RRAGC: variants seen among roughly 807,000 people sequenced by gnomAD.
The protein encoded by RRAGC is Ras related GTP binding C, also known as ras-related GTP-binding protein C.
In RRAGC, 8 loss-of-function variants were observed where a neutral mutation model predicts 37.1. That is an observed-to-expected ratio of 0.22 (90% CI 0.13 to 0.39). RRAGC has a LOEUF of 0.39. Ranked by LOEUF, RRAGC falls within the 10% of genes least tolerant of loss-of-function variation. The pLI, the probability that RRAGC is intolerant of heterozygous loss-of-function variation, is 1.00. For synonymous variants in RRAGC, 190 were observed against 181.1 expected (o/e 1.05, Z -0.39); for missense variants, 342 against 497.6 (o/e 0.69, Z 2.98).
chr1:38,838,767 T>A lies in RRAGC; in HGVS notation c.*786A>T, dbSNP rs532204099. ...TAAGCTAAACATTTCAGTGACACAA[T>A]GAGTTTCTCCCCTAGAAGGGGACTG... On this transcript the variant is annotated 3_prime_UTR_variant, in exon 7 of 7. Coordinates refer to ENST00000373001, the MANE Select transcript of RRAGC (RefSeq NM_022157.4). 5.3e-5 allele frequency: 8 copies of A among 152,324 alleles called. No homozygotes were observed. The highest frequency in any genetic ancestry group is 1.9e-4 in the African/African-American group (8 of 41,582). The allele number at this position is 152,324 out of a possible 1,614,324, so 9.4% of individuals were successfully genotyped here. A position where few individuals can be genotyped will look rare whatever the true frequency, so the allele number is the denominator to read the frequency against.
chr1:38,847,918 C>T (rs1340942321), intron 5 of RRAGC: 1 of 151,968 alleles, frequency 6.6e-6, no homozygotes. Context: ...TGGCACACGC[C>T]TGTGCTCCTG....
At chr1:38,850,838 T>C (rs1158170293) in intron 5 of RRAGC, among the ~76,000 whole-genome samples, 1 of 140,990 alleles carries the variant, frequency 7.1e-6, no homozygotes, top group African/African-American at 2.9e-5. Context: ...TAACTCTTTT[T>C]TTGTTGTTTT....
At position 38,838,865 on chromosome 1, in the gene RRAGC, A is replaced by G. The variant is rs1454702336; in HGVS notation, c.*688T>C. The G allele has an allele frequency of 1.3e-5, 2 of 151,284 alleles. No homozygotes were observed. The highest frequency in any genetic ancestry group is 4.8e-5 in the African/African-American group (2 of 41,324). 9.4% of individuals were successfully genotyped at this position (151,284 alleles called of 1,614,324 possible). A position where few individuals can be genotyped will look rare whatever the true frequency, so the allele number is the denominator to read the frequency against. On this transcript the variant is annotated 3_prime_UTR_variant, in exon 7 of 7. Transcript: ENST00000373001. The stretch of plus-strand genomic sequence containing the variant: ...CTAATGCAGAAGAAAGAACCCAGAC[A>G]TCTGGTACTCAGAACATAGGTGCAA...
intron 6 of RRAGC, among the ~76,000 whole-genome samples, chr1:38,842,283 T>C (rs1003755311): frequency 5.3e-5 from 8 of 151,402 alleles, no homozygotes; most frequent in Admixed American, 3.3e-4. Flanking sequence ...AAAAAATAAA[T>C]AAACAAATAA....
At chr1:38,846,267 A>G in intron 5 of RRAGC, 180 bp from the exon 6 acceptor site, 1 of 548,596 alleles carries the variant, frequency 1.8e-6, no homozygotes, top group Non-Finnish European at 3.2e-6. Context: ...TTTCAGGGAT[A>G]CCTATTAAAA....
At chr1:38,845,490 G>A (rs1178760556) in intron 6 of RRAGC, among the ~76,000 whole-genome samples, 2 of 152,170 alleles carry the variant, frequency 1.3e-5, no homozygotes, top group Non-Finnish European at 2.9e-5. Flanking sequence ...TGGGTGGCTG[G>A]GGGAGGGATA....
rs1184902449 is a variant in RRAGC at position 38,857,037 on chromosome 1, T to C, written c.283A>G (p.Ser95Gly). ...TCATCCTTATAAATCTTGTTGGTAC[T>C]TTCCAAAAAGAGGGTCTCGTTGGGT... Reference protein sequence around the residue: ...MSPNETLFLESTNKIYKDDIS... With the variant: ...MSPNETLFLEGTNKIYKDDIS... The change falls in exon 2 of 7, where the codon AGT becomes GGT. Residue 95 changes from serine to glycine, a missense_variant. By Grantham distance (56) the Ser-to-Gly change is moderately conservative (BLOSUM62 0). Coordinates refer to ENST00000373001, the MANE Select transcript of RRAGC (RefSeq NM_022157.4). The C allele has an allele frequency of 9.9e-6, 16 of 1,613,890 alleles. No homozygotes were observed. The highest frequency in any genetic ancestry group is 1.3e-5 in the Non-Finnish European group (15 of 1,179,920).
chr1:38,859,454 G>A lies in RRAGC; in HGVS notation c.193C>T (p.Leu65=), dbSNP rs920292776. The A allele has an allele frequency of 8.4e-6, 13 of 1,548,394 alleles. No individual in the cohort carries two copies. The highest frequency in any genetic ancestry group is 1.1e-5 in the Non-Finnish European group (13 of 1,146,662). The change falls in exon 1 of 7, where the codon CTG becomes TTG. Residue 65 remains leucine, a synonymous_variant. Transcript: ENST00000373001. ...CCGCTGCGCCGGAGTCCCATGAGCAGAATCCTCGGCTTGGAGCTGTCAGCG... is the reference window on the plus strand; with the variant it reads ...CCGCTGCGCCGGAGTCCCATGAGCAAAATCCTCGGCTTGGAGCTGTCAGCG... ...GGADSSKPRI[L]LMGLRRSGKS...
At position 38,851,748 on chromosome 1, in the gene RRAGC, T is replaced by A. The variant is rs1396660794; in HGVS notation, c.766A>T (p.Ile256Phe). 5 of 1,610,200 alleles carry A rather than the reference T, an allele frequency of 3.1e-6. No individual in the cohort carries two copies. In the Admixed American group the frequency reaches 8.5e-5, roughly 27 times the overall value. The change falls in exon 5 of 7, where the codon ATT (isoleucine) becomes TTT (phenylalanine). Residue 256 changes from isoleucine (I) to phenylalanine (F), a missense_variant. Coordinates refer to ENST00000373001, the MANE Select transcript of RRAGC (RefSeq NM_022157.4). ...LLNIFISNSG[I>F]EKAFLFDVVS... ...ACATCAAAGAGAAAAGCTTTTTCAATACCTGAATTCTTGGAAAAACAAATG... is the reference window on the plus strand; with the variant it reads ...ACATCAAAGAGAAAAGCTTTTTCAAAACCTGAATTCTTGGAAAAACAAATG...
chr1:38,858,683 G>A (rs1004625156), intron 1 of RRAGC, among the ~76,000 whole-genome samples: 3 of 152,244 alleles, frequency 2.0e-5, no homozygotes, highest in Admixed American at 6.5e-5. Flanking sequence ...CTGGGCGACA[G>A]AGCGAGAGAC....
chr1:38,851,570 T>G (rs760849741), intron 5 of RRAGC, 45 bp downstream of exon 5: 18 of 1,458,508 alleles, frequency 1.2e-5, no homozygotes, highest in Non-Finnish European at 1.6e-5. Flanking sequence ...AAGTTAATAG[T>G]TTTCCGCCTG....
In RRAGC at chr1:38,839,578, T is replaced by C. The variant is rs773571179; in HGVS notation, c.1175A>G (p.Asn392Ser). 8.7e-6 allele frequency: 14 copies of C among 1,614,080 alleles called. No individual in the cohort carries two copies. The highest frequency in any genetic ancestry group is 1.1e-5 in the Non-Finnish European group (13 of 1,180,018). Residue 392 changes from asparagine to serine, a missense_variant, in exon 7 of 7, where the codon AAT (asparagine) becomes AGT (serine). By Grantham distance (46) the Asn-to-Ser change is conservative (BLOSUM62 1). This residue lies in a region of RRAGC where 104 missense variants were observed against 127.0 expected (regional missense o/e 0.82). Coordinates refer to ENST00000373001, the MANE Select transcript of RRAGC (RefSeq NM_022157.4). ...SASSLKALTH[N>S]GTPRNAI ...CTAGATGGCGTTTCGTGGCGTGCCATTGTGTGTCAGCGCTTTCAGACTGGA... is the reference window on the plus strand; with the variant it reads ...CTAGATGGCGTTTCGTGGCGTGCCACTGTGTGTCAGCGCTTTCAGACTGGA...
chr1:38,854,217 A>G (rs1446857861), intron 3 of RRAGC, among the ~76,000 whole-genome samples: 1 of 151,926 alleles, frequency 6.6e-6, no homozygotes, highest in Non-Finnish European at 1.5e-5. Context: ...ACAGGCACAC[A>G]CCACAATGCC....
chr1:38,852,704 G>C (rs972043951), intron 3 of RRAGC: 5 of 326,192 alleles, frequency 1.5e-5, no homozygotes, highest in Non-Finnish European at 2.2e-5. Flanking sequence ...GGCAACTGAA[G>C]TAGTACTGAG....
rs186083416 is a variant in RRAGC, at chr1:38,858,878, G to A, written c.237+532C>T. Among the ~76,000 whole-genome samples the A allele has an allele frequency of 1.1e-4, 16 of 152,346 alleles. No individual in the cohort carries two copies. In the East Asian group the frequency reaches 3.1e-3, roughly 29 times the overall value. ...CACCAGGCCACAACTACTGAAATGG[G>A]TGCAATCTCACTACCCAATTCCCAG... On this transcript the variant is annotated intron_variant, in intron 1 of 6. Coordinates refer to ENST00000373001, the MANE Select transcript of RRAGC (RefSeq NM_022157.4).
intron 3 of RRAGC, among the ~76,000 whole-genome samples, chr1:38,852,932 A>T (rs887098145): frequency 6.6e-6 from 1 of 152,078 alleles, no homozygotes; most frequent in African/African-American, 2.4e-5. Context: ...CTAAAATAGC[A>T]CTCGTGTACC....
intron 5 of RRAGC, 162 bp from the exon 6 acceptor site, chr1:38,846,249 A>G (rs1328104904): frequency 6.8e-6 from 4 of 585,572 alleles, no homozygotes; most frequent in Non-Finnish European, 1.2e-5. Flanking sequence ...GTGTTCCTAA[A>G]CACAGAATTT....
chr1:38,858,379 G>GTCAACCTTGCC (rs1330314974), intron 1 of RRAGC, among the ~76,000 whole-genome samples: 1 of 152,162 alleles, frequency 6.6e-6, no homozygotes, highest in East Asian at 1.9e-4. Flanking sequence ...GATGGAGGAA[G>GTCAACCTTGCC]TCAACCTTGC....
Position 38,855,717 on chromosome 1 carries a change from A to G in RRAGC, c.632T>C (p.Leu211Pro), listed in dbSNP as rs1262432431. 1.9e-6 allele frequency: 3 copies of G among 1,613,576 alleles called. No individual in the cohort carries two copies. The highest frequency in any genetic ancestry group is 2.5e-6 in the Non-Finnish European group (3 of 1,179,546). Residue 211 changes from leucine to proline, a missense_variant, in exon 3 of 7, where the codon CTC (leucine) becomes CCC (proline). Physicochemically the swap from Leu to Pro is moderately conservative, Grantham distance 98. Coordinates refer to ENST00000373001, the MANE Select transcript of RRAGC (RefSeq NM_022157.4). ...ACACACATGTTGTTACCTAAGATGG[A>G]GTTTTTCTAGCCCAGCATCTGCAAG... ...DDLADAGLEK[L>P]HLSFYLTSIY... is the part of the protein sequence containing the mutation.
Sources: allele counts gnomAD v4.1 joint callset (sites outside exome capture counted in the v4.1 genomes callset), GRCh38; gene constraint gnomAD v4.1.1; regional missense constraint gnomAD v4.1.1; transcripts MANE v1.5; gene names NCBI Gene and HGNC (gene_info 2026-07-23, HGNC 2026-07-21).